Variants in CTTNBP2NL observed in about 807,000 individuals in gnomAD.
CTTNBP2NL encodes the protein CTTNBP2 N-terminal-like protein.
Under a neutral mutation model 32.5 loss-of-function variants are expected in CTTNBP2NL, and 16 were observed. The observed-to-expected ratio is 0.49, with a 90% CI of 0.33 to 0.75. The LOEUF (loss-of-function observed/expected upper bound fraction) is 0.75, where lower values mean the gene tolerates loss of function less well. CTTNBP2NL is among the 30% of genes least tolerant of loss of function. CTTNBP2NL has a pLI of 0.02. For missense variants in CTTNBP2NL, 645 were observed against 756.0 expected (o/e 0.85, Z 1.72); for synonymous variants, 298 against 289.4 (o/e 1.03, Z -0.30).
chr1:112,454,283 T>C (rs1405487239), intron 4 of CTTNBP2NL, among the ~76,000 whole-genome samples, 166 bp from the exon 5 acceptor site: 1 of 152,264 alleles, frequency 6.6e-6, no homozygotes, highest in Non-Finnish European at 1.5e-5. Flanking sequence ...TGTCTTTCAC[T>C]GTAAGGCAGT....
intron 1 of CTTNBP2NL, among the ~76,000 whole-genome samples, chr1:112,401,615 C>T (rs1388052620): frequency 6.6e-6 from 1 of 152,038 alleles, no homozygotes; most frequent in Non-Finnish European, 1.5e-5. Context: ...CCACTGTCCT[C>T]AAAGTAAGGA....
the CTTNBP2NL span, among the ~76,000 whole-genome samples, chr1:112,391,198 T>TA: frequency 1.8e-4 from 27 of 152,342 alleles, no homozygotes; most frequent in Non-Finnish European, 3.5e-4. Flanking sequence ...CACCTTGCCT[T>TA]CGGCTTCAGC....
At chr1:112,450,521 A>G (rs1024356732) in intron 4 of CTTNBP2NL, among the ~76,000 whole-genome samples, 1 of 152,092 alleles carries the variant, frequency 6.6e-6, no homozygotes, top group Non-Finnish European at 1.5e-5. Flanking sequence ...TTCTCTAAAA[A>G]TCTTCACAAC....
At chr1:112,433,657 C>T (rs1012999724) in intron 3 of CTTNBP2NL, among the ~76,000 whole-genome samples, 2 of 152,216 alleles carry the variant, frequency 1.3e-5, no homozygotes, top group African/African-American at 4.8e-5. Flanking sequence ...CCATTCCCTT[C>T]TTGGTCTCCA....
chr1:112,435,616 C>G (rs1649707284), intron 3 of CTTNBP2NL, among the ~76,000 whole-genome samples: 1 of 152,200 alleles, frequency 6.6e-6, no homozygotes, highest in Non-Finnish European at 1.5e-5. Flanking sequence ...TTACCCCGTA[C>G]TAAGAAGGAA....
In CTTNBP2NL at chr1:112,460,399, T is replaced by C. The variant is rs754703580; in HGVS notation, c.*2987T>C. 5 of 152,220 alleles carry C rather than the reference T, an allele frequency of 3.3e-5. No homozygotes were observed. The highest frequency in any genetic ancestry group is 4.8e-5 in the African/African-American group (2 of 41,460). The allele number at this position is 152,220 out of a possible 1,614,324, so 9.4% of individuals were successfully genotyped here. ...TTAGACTCCATAAGGAACTAAGACA[T>C]TGATTTTCTTTAGAGTCTTAGAGCT... On this transcript the variant is annotated 3_prime_UTR_variant, in exon 6 of 6. Coordinates refer to ENST00000271277, the MANE Select transcript of CTTNBP2NL (RefSeq NM_018704.3).
At chr1:112,426,605 C>CTTTTT (rs35801433) in intron 3 of CTTNBP2NL, among the ~76,000 whole-genome samples, 3 of 129,594 alleles carry the variant, frequency 2.3e-5, no homozygotes, top group African/African-American at 5.6e-5. Context: ...TACGGCAAAA[C>CTTTTT]TTTTTTTTTT....
Position 112,448,438 on chromosome 1 carries a change from A to G in CTTNBP2NL, c.100-504A>G, listed in dbSNP as rs530693063. On this transcript the variant is annotated intron_variant, in intron 3 of 5. Coordinates refer to ENST00000271277, the MANE Select transcript of CTTNBP2NL (RefSeq NM_018704.3). ...TCTAAATATATAAACTCATAAAATTATCATACTTAACATGTTTTAGAAATG... is the reference window on the plus strand; with the variant it reads ...TCTAAATATATAAACTCATAAAATTGTCATACTTAACATGTTTTAGAAATG... Among the ~76,000 whole-genome samples, 20 of 152,366 alleles carry G rather than the reference A, an allele frequency of 1.3e-4. 1 individual carries two copies. In the South Asian group the frequency reaches 3.9e-3, roughly 30 times the overall value.
In CTTNBP2NL at chr1:112,460,461, T is replaced by G. The variant is rs946621907; in HGVS notation, c.*3049T>G. 2 of 152,218 alleles carry G rather than the reference T, an allele frequency of 1.3e-5. No homozygotes were observed. Among genetic ancestry groups the G allele is most frequent in the Non-Finnish European group, 2.9e-5 (2 of 68,042 alleles). The allele number at this position is 152,218 out of a possible 1,614,324, so 9.4% of individuals were successfully genotyped here. Reference sequence around the variant, plus strand: ...TTACAATAATCCAGTCTGTGATTTTTTAAACCTTTTGGTGGTTCTGGACCT... The same window carrying G: ...TTACAATAATCCAGTCTGTGATTTTGTAAACCTTTTGGTGGTTCTGGACCT... On this transcript the variant is annotated 3_prime_UTR_variant, in exon 6 of 6. Coordinates refer to ENST00000271277, the MANE Select transcript of CTTNBP2NL (RefSeq NM_018704.3).
chr1:112,392,074 T>C (rs559538218), upstream of CTTNBP2NL, among the ~76,000 whole-genome samples: 1 of 152,302 alleles, frequency 6.6e-6, no homozygotes, highest in African/African-American at 2.4e-5. Context: ...GCTCCAAATA[T>C]TCTATAAATC....
At chr1:112,440,077 C>T (rs1173822551) in intron 3 of CTTNBP2NL, among the ~76,000 whole-genome samples, 1 of 152,200 alleles carries the variant, frequency 6.6e-6, no homozygotes, top group East Asian at 1.9e-4. Flanking sequence ...GTTCCCATGT[C>T]ATTACTCACG....
upstream of CTTNBP2NL, among the ~76,000 whole-genome samples, chr1:112,391,722 G>A (rs1320731765): frequency 3.3e-5 from 5 of 152,154 alleles, no homozygotes; most frequent in South Asian, 2.1e-4. Context: ...GGCCGGGCGC[G>A]GTGGCTCCTG....
At chr1:112,448,151 C>T (rs1350334370) in intron 3 of CTTNBP2NL, among the ~76,000 whole-genome samples, 1 of 152,156 alleles carries the variant, frequency 6.6e-6, no homozygotes, top group Non-Finnish European at 1.5e-5. Flanking sequence ...CTTACATGCT[C>T]ATCCCCAAGG....
rs7555535 is a variant in CTTNBP2NL, at chr1:112,402,350, G to A, written c.-134+6078G>A. On this transcript the variant is annotated intron_variant, in intron 1 of 5. Coordinates refer to ENST00000271277, the MANE Select transcript of CTTNBP2NL (RefSeq NM_018704.3). ...GGAGAATCGTTTGAACCCAGAAGGCGGAGATTGTGGTGAGCCAAGATCGCG... is the reference window on the plus strand; with the variant it reads ...GGAGAATCGTTTGAACCCAGAAGGCAGAGATTGTGGTGAGCCAAGATCGCG... Among the ~76,000 whole-genome samples the A allele has an allele frequency of 6.0e-3, 915 of 152,218 alleles. 8 individuals carry two copies. The highest frequency in any genetic ancestry group is 0.021 in the African/African-American group (866 of 41,532).
At chr1:112,415,261 GTTGAA>G (rs1649020596) in intron 2 of CTTNBP2NL, among the ~76,000 whole-genome samples, 1 of 152,098 alleles carries the variant, frequency 6.6e-6, no homozygotes, top group Non-Finnish European at 1.5e-5. Flanking sequence ...TTTGCATATA[GTTGAA>G]TTAAGTCTAT....
intron 3 of CTTNBP2NL, among the ~76,000 whole-genome samples, chr1:112,442,864 T>C (rs554591129): frequency 1.3e-5 from 2 of 152,178 alleles, no homozygotes; most frequent in African/African-American, 4.8e-5. Context: ...CTAATTTTTG[T>C]ATTTTTAGTA....
At chr1:112,423,711 C>T (rs964459963) in intron 3 of CTTNBP2NL, among the ~76,000 whole-genome samples, 1 of 152,056 alleles carries the variant, frequency 6.6e-6, no homozygotes, top group African/African-American at 2.4e-5. Context: ...CCATGAAGTC[C>T]AATTTATCAA....
rs138868151 is a variant in CTTNBP2NL at position 112,439,545 on chromosome 1, C to T, written c.100-9397C>T. Among the ~76,000 whole-genome samples, 12 of 152,294 alleles carry T rather than the reference C, an allele frequency of 7.9e-5. No individual in the cohort carries two copies. The East Asian group carries it at 2.3e-3, about 29-fold the overall frequency. The stretch of plus-strand genomic sequence containing the variant: ...AGGAAATGAAGATATCCTTTCACAT[C>T]TTGTTTACTGAGCTCTTTTAAAATA... On this transcript the variant is annotated intron_variant, in intron 3 of 5. Coordinates refer to ENST00000271277, the MANE Select transcript of CTTNBP2NL (RefSeq NM_018704.3).
At chr1:112,448,686 A>C (rs1329900792) in intron 3 of CTTNBP2NL, among the ~76,000 whole-genome samples, 1 of 152,178 alleles carries the variant, frequency 6.6e-6, no homozygotes, top group East Asian at 1.9e-4. Context: ...CAGGGTTGTA[A>C]ATTTTAAACA....
Sources: gnomAD v4.1 joint callset for allele counts (sites outside exome capture counted in the v4.1 genomes callset) on GRCh38, gnomAD v4.1.1 for gene constraint, MANE v1.5 for transcripts, NCBI Gene and HGNC (gene_info 2026-07-23, HGNC 2026-07-21) for gene names.